Variants in CUL9 observed in about 807,000 individuals in gnomAD.
CUL9 encodes cullin-9.
A neutral mutation model predicts 272.6 loss-of-function variants in CUL9; 79 were observed. The ratio of observed to expected loss-of-function variants is 0.29; its 90% confidence interval spans 0.24 to 0.35. CUL9 has a LOEUF of 0.35. CUL9 is among the 10% of genes least tolerant of loss of function. The pLI, the probability that CUL9 is intolerant of heterozygous loss-of-function variation, is 1.00. For synonymous variants in CUL9, 1,186 were observed against 1,286.5 expected (o/e 0.92, Z 1.67); for missense variants, 2,532 against 3,255.6 (o/e 0.78, Z 5.41).
At chr6:43,189,440 TC>T (rs1334713166) in intron 8 of CUL9, among the ~76,000 whole-genome samples, 1 of 152,212 alleles carries the variant, frequency 6.6e-6, no homozygotes, top group Non-Finnish European at 1.5e-5. Context: ...TGCCTCGGCC[TC>T]CCAAAGTGCT....
In CUL9 at chr6:43,220,585, G is replaced by C. The variant is rs1296321117; in HGVS notation, c.6409G>C (p.Glu2137Gln). The C allele has an allele frequency of 1.2e-6, 2 of 1,614,128 alleles. No homozygotes were observed. The highest frequency in any genetic ancestry group is 8.5e-7 in the Non-Finnish European group (1 of 1,180,016). Residue 2137 changes from glutamate to glutamine, a missense_variant, in exon 32 of 41, where the codon GAG (glutamate) becomes CAG (glutamine). By Grantham distance (29) the Glu-to-Gln change is conservative (BLOSUM62 2). Transcript: ENST00000252050. The surrounding 1 kb of genome is among the most constrained non-coding windows in gnomAD (Gnocchi z 4.9). ...CATTCGTGCCATCGTCTCCTCGCCA[G>C]AGGTCATCTCCAAGGTATCCCCTCT... ...AFIRAIVSSP[E>Q]VISKYEKALL...
chr6:43,191,302 T>G (rs1314288900), intron 8 of CUL9, among the ~76,000 whole-genome samples: 14 of 136,914 alleles, frequency 1.0e-4, no homozygotes, highest in African/African-American at 2.9e-4. Flanking sequence ...GCGTGTTGTT[T>G]TTTTTTTTGT....
Position 43,196,631 on chromosome 6 carries a change from C to G in CUL9, c.2586-14C>G. ...GGTCTCTCAGTTTCTTCCTGGTCAC[C>G]TCCCTCCTCCCAGGTGCTCTTCTGC... On this transcript the variant is annotated splice_polypyrimidine_tract_variant and intron_variant, in intron 10 of 40. Coordinates refer to ENST00000252050, the MANE Select transcript of CUL9 (RefSeq NM_015089.4). The G allele has an allele frequency of 6.2e-7, 1 of 1,608,314 alleles. No homozygotes were observed. Among genetic ancestry groups the G allele is most frequent in the Non-Finnish European group, 8.5e-7 (1 of 1,174,724 alleles).
chr6:43,219,843 T>C (rs1373004495), intron 31 of CUL9, among the ~76,000 whole-genome samples: 1 of 152,064 alleles, frequency 6.6e-6, no homozygotes, highest in African/African-American at 2.4e-5. Flanking sequence ...GAGGGGATAA[T>C]GGCCTGATTT....
intron 30 of CUL9, among the ~76,000 whole-genome samples, chr6:43,215,722 T>A (rs1180938617): frequency 6.6e-6 from 1 of 152,186 alleles, no homozygotes; most frequent in African/African-American, 2.4e-5. Context: ...TCGCGAGTAA[T>A]CTTTCTCAAA....
chr6:43,224,292 A>G lies in CUL9; in HGVS notation c.7401A>G (p.Glu2467=). The G allele has an allele frequency of 1.2e-6, 2 of 1,614,224 alleles. No homozygotes were observed. The highest frequency in any genetic ancestry group is 1.7e-6 in the Non-Finnish European group (2 of 1,180,026). ...SSGPEAEEEE[E]DDEDDVPEWQ... is the part of the protein sequence containing the mutation. ...GGCCAGAGGCAGAAGAGGAGGAGGA[A>G]GACGATGAGGATGATGTGCCCGAGT... is the stretch of plus-strand genomic sequence containing the variant. The change falls in exon 41 of 41, where the codon GAA becomes GAG. Residue 2467 remains glutamate (E), a synonymous_variant. Coordinates refer to ENST00000252050, the MANE Select transcript of CUL9 (RefSeq NM_015089.4). The surrounding 1 kb of genome is among the most constrained non-coding windows in gnomAD (Gnocchi z 4.2).
intron 12 of CUL9, 32 bp downstream of exon 12, chr6:43,198,887 G>A (rs1184476267): frequency 6.3e-7 from 1 of 1,598,058 alleles, no homozygotes; most frequent in Non-Finnish European, 8.5e-7. Flanking sequence ...CATGCATTGG[G>A]ACGAGGGAAA....
At chr6:43,187,667 C>T in intron 6 of CUL9, 46 bp from the exon 7 acceptor site, 1 of 1,586,620 alleles carries the variant, frequency 6.3e-7, no homozygotes, top group Non-Finnish European at 8.6e-7. Context: ...ACCCCAAGAC[C>T]TTTGTGTCTG....
chr6:43,185,892 C>T, intron 3 of CUL9, 63 bp from the exon 4 acceptor site: 1 of 1,527,302 alleles, frequency 6.5e-7, no homozygotes, highest in Non-Finnish European at 8.8e-7. Flanking sequence ...GAGGATACTT[C>T]AGGGAAGGGG....
chr6:43,196,717 C>T lies in CUL9; in HGVS notation c.2658C>T (p.Asp886=). 6.2e-7 allele frequency: 1 copy of T among 1,614,146 alleles called. No homozygotes were observed. The highest frequency in any genetic ancestry group is 8.5e-7 in the Non-Finnish European group (1 of 1,180,006). The change falls in exon 11 of 41, where the codon GAC becomes GAT. Residue 886 remains aspartate (D), a synonymous_variant. Coordinates refer to ENST00000252050, the MANE Select transcript of CUL9 (RefSeq NM_015089.4). ...TGTGCAACCACCACACTCTGGGAGA[C>T]CAGATTATAACCCAAGAGCTGAGAG... ...LLLCNHHTLG[D]QIITQELRDT...
chr6:43,223,091 G>C lies in CUL9; in HGVS notation c.7151-173G>C. The C allele has an allele frequency of 2.9e-6, 3 of 1,020,920 alleles. No homozygotes were observed. The allele number at this position is 1,020,920 out of a possible 1,614,324, so 63.2% of individuals were successfully genotyped here. A position where few individuals can be genotyped will look rare whatever the true frequency, so the allele number is the denominator to read the frequency against. ...ACATTGTAAGGTGCCCAAGGGCGCA[G>C]ATGTTCGTGGATGTTTCTTGGTTTC... On this transcript the variant is annotated intron_variant, in intron 38 of 40. Coordinates refer to ENST00000252050, the MANE Select transcript of CUL9 (RefSeq NM_015089.4). The surrounding 1 kb of genome is among the most constrained non-coding windows in gnomAD (Gnocchi z 4.1).
At chr6:43,216,560 T>C in intron 31 of CUL9, 57 bp downstream of exon 31, 1 of 1,474,194 alleles carries the variant, frequency 6.8e-7, no homozygotes, top group Non-Finnish European at 9.2e-7. Context: ...CCTAACAAAA[T>C]TCCTTGGGAA....
In CUL9 at chr6:43,220,477, C is replaced by G; in HGVS notation, c.6301C>G (p.Leu2101Val). The G allele has an allele frequency of 6.2e-7, 1 of 1,614,140 alleles. No individual in the cohort carries two copies. Among genetic ancestry groups the G allele is most frequent in the South Asian group, 1.1e-5 (1 of 91,080 alleles). ...CTCCCAGTCTTGCTGGAATGAGTAC[C>G]TGACAACTCGGATCGAGCAGAACCT... is the stretch of plus-strand genomic sequence containing the variant. ...YCCKSCWNEY[L>V]TTRIEQNLVL... The change falls in exon 32 of 41, where the codon CTG becomes GTG. Residue 2101 changes from leucine (L) to valine (V), a missense_variant. Coordinates refer to ENST00000252050, the MANE Select transcript of CUL9 (RefSeq NM_015089.4). This position sits in a 1 kb window ranked among gnomAD's most constrained non-coding sequence, Gnocchi z 4.9.
In CUL9 at chr6:43,222,048, C is replaced by T; in HGVS notation, c.6847-268C>T. ...TGGGCACTCTCAGAAGGCAGCAGGG[C>T]AGAGCAGGAAAGAGCAGGGACCCTG... On this transcript the variant is annotated intron_variant, in intron 35 of 40. Transcript: ENST00000252050. 8 of 596,414 alleles carry T rather than the reference C, an allele frequency of 1.3e-5. No homozygotes were observed. The South Asian group carries it at 1.4e-4, about 11-fold the overall frequency. The allele number at this position is 596,414 out of a possible 1,614,324, so 36.9% of individuals were successfully genotyped here. A position where few individuals can be genotyped will look rare whatever the true frequency, so the allele number is the denominator to read the frequency against.
At position 43,187,154 on chromosome 6, in the gene CUL9, T is replaced by A. The variant is rs1773010192; in HGVS notation, c.1387+59T>A. ...CTGAACAGAGGATTAGTGACTGGGA[T>A]GAAGCCACTTCTGACCAGGAGCAGC... On this transcript the variant is annotated intron_variant, in intron 5 of 40. Transcript: ENST00000252050. 3 of 1,606,160 alleles carry A rather than the reference T, an allele frequency of 1.9e-6. No individual in the cohort carries two copies. In the Admixed American group the frequency reaches 5.0e-5, roughly 27 times the overall value.
chr6:43,188,060 C>G lies in CUL9; in HGVS notation c.1929C>G (p.Asn643Lys). ...CACAGAGTGATTCTCAGCTGTTTAA[C>G]CAGCTTCTGGTGACTGAGGGGATGA... Reference protein sequence around the residue: ...PMAQSDSQLFNQLLVTEGMTL... With the variant: ...PMAQSDSQLFKQLLVTEGMTL... Residue 643 changes from asparagine to lysine, a missense_variant, in exon 7 of 41, where the codon AAC becomes AAG. Coordinates refer to ENST00000252050, the MANE Select transcript of CUL9 (RefSeq NM_015089.4). 6.2e-7 allele frequency: 1 copy of G among 1,613,682 alleles called. No individual in the cohort carries two copies. Among genetic ancestry groups the G allele is most frequent in the Non-Finnish European group, 8.5e-7 (1 of 1,180,008 alleles).
Position 43,193,165 on chromosome 6 carries a change from A to G in CUL9, c.2345A>G (p.Gln782Arg). ...ATCTATGCTGTGCTGGTCTGCATGCAAGAATATAAGACTTCTGTCTTGGTG... is the reference window on the plus strand; with the variant it reads ...ATCTATGCTGTGCTGGTCTGCATGCGAGAATATAAGACTTCTGTCTTGGTG... ...GGIYAVLVCM[Q>R]EYKTSVLVQQ... is the part of the protein sequence containing the mutation. The change falls in exon 9 of 41, where the codon CAA becomes CGA. Residue 782 changes from glutamine to arginine, a missense_variant. Around this residue, in one of 3 missense-constraint regions of CUL9, gnomAD observed 2,218 missense variants for 2,788.6 expected, o/e 0.80. Coordinates refer to ENST00000252050, the MANE Select transcript of CUL9 (RefSeq NM_015089.4). The G allele has an allele frequency of 1.2e-6, 2 of 1,614,180 alleles. No individual in the cohort carries two copies. Among genetic ancestry groups the G allele is most frequent in the Non-Finnish European group, 1.7e-6 (2 of 1,180,036 alleles).
rs1774451890 is a variant in CUL9, at chr6:43,200,727, C to T, written c.3540C>T (p.His1180=). 6.2e-7 allele frequency: 1 copy of T among 1,614,140 alleles called. No individual in the cohort carries two copies. The highest frequency in any genetic ancestry group is 1.1e-5 in the South Asian group (1 of 91,094). The change falls in exon 16 of 41, where the codon CAC becomes CAT. Residue 1180 remains histidine, a synonymous_variant. Coordinates refer to ENST00000252050, the MANE Select transcript of CUL9 (RefSeq NM_015089.4). The surrounding 1 kb of genome is among the most constrained non-coding windows in gnomAD (Gnocchi z 4.0). Reference sequence around the variant, plus strand: ...AGGTGGAGGTGTCCTCCAACCCGCACCGAGCCAGCAAGCTGACGGACCACA... The same window carrying T: ...AGGTGGAGGTGTCCTCCAACCCGCATCGAGCCAGCAAGCTGACGGACCACA... ...WEKVEVSSNP[H]RASKLTDHNP... is the part of the protein sequence containing the mutation.
chr6:43,222,435 TG>T (rs1332279068), intron 36 of CUL9, 45 bp downstream of exon 36: 1 of 657,048 alleles, frequency 1.5e-6, no homozygotes, highest in African/African-American at 2.8e-5. Flanking sequence ...AGAAGCAGGT[TG>T]GGGTGGTGGG....
Sources: gnomAD v4.1 joint callset for allele counts (sites outside exome capture counted in the v4.1 genomes callset) on GRCh38, gnomAD v4.1.1 for gene constraint, gnomAD v4.1.1 regional missense constraint, Gnocchi (gnomAD v3.1) non-coding constraint, MANE v1.5 for transcripts, NCBI Gene and HGNC (gene_info 2026-07-23, HGNC 2026-07-21) for gene names.